The following SZT2 variants were observed in gnomAD, a reference collection of about 807,000 sequenced individuals.
SZT2 encodes SZT2 subunit of KICSTOR complex.
SZT2 carries 216 observed loss-of-function variants against 404.2 expected under a neutral mutation model. The ratio of observed to expected loss-of-function variants is 0.53; its 90% CI spans 0.48 to 0.60. The LOEUF (loss-of-function observed/expected upper bound fraction) is 0.60, where lower values mean the gene tolerates loss of function less well. Among genes scored for constraint, SZT2 ranks in the 20% least tolerant of loss-of-function variants. The pLI is 0.00. For synonymous variants in SZT2, 1,693 were observed against 1,749.9 expected (o/e 0.97, Z 0.81); for missense variants, 3,857 against 4,459.2 (o/e 0.86, Z 3.85).
intron 1 of SZT2, chr1:43,393,955 C>A: frequency 2.9e-6 from 1 of 340,550 alleles, no homozygotes; most frequent in Non-Finnish European, 4.2e-6. Context: ...GTAACTTGTC[C>A]AAGGTCACCT....
chr1:43,440,683 CCA>C lies in SZT2; in HGVS notation c.7344+100_7344+101del, dbSNP rs1479610328. Reference sequence around the variant, plus strand: ...GCTTCCCAGTCCCCCATAGGCCTTGCCACAGTGTCCTTTCATATAAAACTGCT... The same window carrying C: ...GCTTCCCAGTCCCCCATAGGCCTTGCCAGTGTCCTTTCATATAAAACTGCT... On this transcript the variant is annotated intron_variant, in intron 52 of 71. Coordinates refer to ENST00000634258, the MANE Select transcript of SZT2 (RefSeq NM_001365999.1). 5.6e-6 allele frequency: 8 copies of C among 1,420,262 alleles called. No individual in the cohort carries two copies. The Admixed American group carries it at 1.6e-4, about 29-fold the overall frequency. The allele number at this position is 1,420,262 out of a possible 1,614,324, so 88.0% of individuals were successfully genotyped here.
chr1:43,452,695 C>A lies in SZT2; in HGVS notation c.*2215C>A, dbSNP rs1656574164. On this transcript the variant is annotated 3_prime_UTR_variant, in exon 72 of 72. Transcript: ENST00000634258. The stretch of plus-strand genomic sequence containing the variant: ...ACTTCCTCTCCTCGCATCTACTTAG[C>A]CTTTTCCCATCTGTTTTCTGCCCCC... 2 of 612,650 alleles carry A rather than the reference C, an allele frequency of 3.3e-6. No individual in the cohort carries two copies. The highest frequency in any genetic ancestry group is 5.8e-6 in the Non-Finnish European group (2 of 344,430). The allele number at this position is 612,650 out of a possible 1,614,324, so 38.0% of individuals were successfully genotyped here.
chr1:43,402,722 C>T (rs1649825921), intron 1 of SZT2, among the ~76,000 whole-genome samples: 1 of 152,154 alleles, frequency 6.6e-6, no homozygotes, highest in Non-Finnish European at 1.5e-5. Context: ...GGAAGGCTTG[C>T]TATTCCTTCG....
intron 62 of SZT2, among the ~76,000 whole-genome samples, chr1:43,444,425 A>C (rs1655438410): frequency 6.6e-6 from 1 of 151,960 alleles, no homozygotes; most frequent in Non-Finnish European, 1.5e-5. Context: ...ACATGCTCCT[A>C]AGCCTCTGGA....
Position 43,449,751 on chromosome 1 carries a change from C to T in SZT2, c.10087-352C>T, listed in dbSNP as rs565729308. On this transcript the variant is annotated intron_variant, in intron 70 of 71. Transcript: ENST00000634258. ...TAGGGAGCAGATGGACATAAGGGGACGACAAGACAATCCCAGGGGTGGTCA... is the reference window on the plus strand; with the variant it reads ...TAGGGAGCAGATGGACATAAGGGGATGACAAGACAATCCCAGGGGTGGTCA... 3.6e-5 allele frequency: 14 copies of T among 393,164 alleles called. 1 individual carries two copies. Among genetic ancestry groups the T allele is most frequent in the Middle Eastern group, 1.6e-3 (2 of 1,278 alleles). 24.4% of individuals were successfully genotyped at this position (393,164 alleles called of 1,614,324 possible).
Position 43,452,101 on chromosome 1 carries a change from C to G in SZT2, c.*1621C>G. Reference sequence around the variant, plus strand: ...CACTGGTCAAGGCCCTCACCTGTTCCTCTGACCTAGGCTGGCAGCCTCACG... The same window carrying G: ...CACTGGTCAAGGCCCTCACCTGTTCGTCTGACCTAGGCTGGCAGCCTCACG... On this transcript the variant is annotated 3_prime_UTR_variant, in exon 72 of 72. Transcript: ENST00000634258. The G allele has an allele frequency of 6.6e-7, 1 of 1,515,300 alleles. No individual in the cohort carries two copies. Among genetic ancestry groups the G allele is most frequent in the Non-Finnish European group, 9.1e-7 (1 of 1,100,526 alleles). 93.9% of individuals were successfully genotyped at this position (1,515,300 alleles called of 1,614,324 possible).
chr1:43,422,998 A>G, intron 14 of SZT2, 101 bp from the exon 15 acceptor site: 1 of 1,498,396 alleles, frequency 6.7e-7, no homozygotes, highest in Non-Finnish European at 9.0e-7. Flanking sequence ...AGACCAAGGA[A>G]GACCTGGAGA....
intron 4 of SZT2, chr1:43,406,173 C>T (rs771869735): frequency 4.3e-6 from 1 of 233,594 alleles, no homozygotes; most frequent in Non-Finnish European, 8.9e-6. Flanking sequence ...CTGCACCCTC[C>T]ACCTCCTGGG....
Position 43,439,218 on chromosome 1 carries a change from C to T in SZT2, c.6792+125C>T, listed in dbSNP as rs1166873461. 6.5e-7 allele frequency: 1 copy of T among 1,526,936 alleles called. No homozygotes were observed. Among genetic ancestry groups the T allele is most frequent in the Non-Finnish European group, 9.0e-7 (1 of 1,109,896 alleles). 94.6% of individuals were successfully genotyped at this position (1,526,936 alleles called of 1,614,324 possible). A position where few individuals can be genotyped will look rare whatever the true frequency, so the allele number is the denominator to read the frequency against. On this transcript the variant is annotated intron_variant, in intron 48 of 71. Coordinates refer to ENST00000634258, the MANE Select transcript of SZT2 (RefSeq NM_001365999.1). The surrounding 1 kb of genome is among the most constrained non-coding windows in gnomAD (Gnocchi z 4.2). ...CATGGACCTGGGTACACCCATGCCC[C>T]CCCGGGGACCATTATTACCCGCCTG...
intron 7 of SZT2, among the ~76,000 whole-genome samples, chr1:43,418,626 C>T (rs1651974911): frequency 1.3e-5 from 2 of 152,276 alleles, no homozygotes; most frequent in South Asian, 4.1e-4. Context: ...TCAGTTTTCT[C>T]TGGGCACCAC....
In SZT2 at chr1:43,422,801, T is replaced by C; in HGVS notation, c.1955T>C (p.Met652Thr). The change falls in exon 14 of 72, where the codon ATG becomes ACG. Residue 652 changes from methionine (M) to threonine (T), a missense_variant. This residue lies in a region of SZT2 where 1,725 missense variants were observed against 1,881.0 expected (regional missense o/e 0.92). Coordinates refer to ENST00000634258, the MANE Select transcript of SZT2 (RefSeq NM_001365999.1). Reference sequence around the variant, plus strand: ...GACCAGCCCCCCAATTCCTTCTACATGGTCCGTATCATTTCCAAGGCCCCA... The same window carrying C: ...GACCAGCCCCCCAATTCCTTCTACACGGTCCGTATCATTTCCAAGGCCCCA... ...APDQPPNSFY[M>T]VRIISKAPCM... 6.3e-7 allele frequency: 1 copy of C among 1,593,340 alleles called. No individual in the cohort carries two copies.
intron 11 of SZT2, 128 bp downstream of exon 11, chr1:43,421,431 G>T: frequency 7.6e-7 from 1 of 1,321,084 alleles, no homozygotes; most frequent in Non-Finnish European, 1.0e-6. Flanking sequence ...AGAAGCCCAA[G>T]CTTTAACCTT....
At chr1:43,446,870 C>A in intron 65 of SZT2, 85 bp from the exon 66 acceptor site, 1 of 1,407,808 alleles carries the variant, frequency 7.1e-7, no homozygotes, top group Non-Finnish European at 9.7e-7. Flanking sequence ...AAATCTTGTG[C>A]TTCTTCCCAC....
rs1474596367 is a variant in SZT2, at chr1:43,430,506, T to C, written c.4491T>C (p.Ser1497=). The C allele has an allele frequency of 5.6e-6, 9 of 1,613,974 alleles. No homozygotes were observed. Among genetic ancestry groups the C allele is most frequent in the Middle Eastern group, 1.6e-4 (1 of 6,082 alleles). ...AELMGEEGDT[S]ACCVVTESDP... ...GACATGCACTACTAGGAGACACATC[T>C]GCCTGCTGTGTGGTCACTGAGAGTG... The change falls in exon 32 of 72, where the codon TCT becomes TCC. Residue 1497 remains serine (S), a synonymous_variant. Coordinates refer to ENST00000634258, the MANE Select transcript of SZT2 (RefSeq NM_001365999.1).
rs1653716206 is a variant in SZT2 at position 43,430,343 on chromosome 1, A to T, written c.4434A>T (p.Lys1478Asn). Residue 1478 changes from lysine (K) to asparagine (N), a missense_variant, in exon 31 of 72, where the codon AAA becomes AAT. By Grantham distance (94) the Lys-to-Asn change is moderately conservative. Around this residue, in one of 7 missense-constraint regions of SZT2, gnomAD observed 1,725 missense variants for 1,881.0 expected, o/e 0.92. Coordinates refer to ENST00000634258, the MANE Select transcript of SZT2 (RefSeq NM_001365999.1). Reference protein sequence around the residue: ...DEGPRDTVDRKISDLEFSEAE... With the variant: ...DEGPRDTVDRNISDLEFSEAE... ...GGCCTCGGGACACAGTAGACAGAAAAATCAGTGACCTGGAGTTTTCAGAGG... is the reference window on the plus strand; with the variant it reads ...GGCCTCGGGACACAGTAGACAGAAATATCAGTGACCTGGAGTTTTCAGAGG... The T allele has an allele frequency of 6.2e-7, 1 of 1,611,428 alleles. No homozygotes were observed. Among genetic ancestry groups the T allele is most frequent in the Admixed American group, 1.7e-5 (1 of 59,114 alleles).
chr1:43,448,310 G>A lies in SZT2; in HGVS notation c.9795G>A (p.Leu3265=), dbSNP rs569613488. ...VGMARARLAQ[L]VRLAGGHCRR... is the part of the protein sequence containing the mutation. ...TGGCACGAGCACGGCTGGCTCAGCTGGTGCGGCTGGCTGGAGGGCACTGCC... is the reference window on the plus strand; with the variant it reads ...TGGCACGAGCACGGCTGGCTCAGCTAGTGCGGCTGGCTGGAGGGCACTGCC... Residue 3265 remains leucine, a synonymous_variant, in exon 69 of 72, where the codon CTG becomes CTA. Transcript: ENST00000634258. This position sits in a 1 kb window ranked among gnomAD's most constrained non-coding sequence, Gnocchi z 4.2. 1 of 1,553,842 alleles carries A rather than the reference G, an allele frequency of 6.4e-7. No individual in the cohort carries two copies.
chr1:43,447,281 T>G, intron 66 of SZT2, 113 bp downstream of exon 66: 1 of 1,262,386 alleles, frequency 7.9e-7, no homozygotes, highest in Non-Finnish European at 1.1e-6. Context: ...TTGTTAATCA[T>G]CTCATGTCAC....
Position 43,450,216 on chromosome 1 carries a change from T to TA in SZT2, c.10155+46dup. The TA allele has an allele frequency of 6.2e-7, 1 of 1,613,864 alleles. No homozygotes were observed. Among genetic ancestry groups the TA allele is most frequent in the South Asian group, 1.1e-5 (1 of 91,076 alleles). On this transcript the variant is annotated intron_variant, in intron 71 of 71. Coordinates refer to ENST00000634258, the MANE Select transcript of SZT2 (RefSeq NM_001365999.1). The surrounding 1 kb of genome is among the most constrained non-coding windows in gnomAD (Gnocchi z 4.3). ...TTTGTGTCAGCCTCATGGGAGGCCG[T>TA]ACCCCAAATGCTCCACCTCGGAGCC...
intron 4 of SZT2, among the ~76,000 whole-genome samples, chr1:43,414,771 A>C (rs1229007237): frequency 6.6e-6 from 1 of 152,242 alleles, no homozygotes; most frequent in Non-Finnish European, 1.5e-5. Flanking sequence ...CTGTAGGCCA[A>C]GGTAGAAGAA....
Sources: allele counts gnomAD v4.1 joint callset (sites outside exome capture counted in the v4.1 genomes callset), GRCh38; gene constraint gnomAD v4.1.1; regional missense constraint gnomAD v4.1.1; non-coding constraint Gnocchi (gnomAD v3.1); transcripts MANE v1.5; gene names NCBI Gene and HGNC (gene_info 2026-07-23, HGNC 2026-07-21).